ROCK2: variants seen among roughly 807,000 people sequenced by gnomAD.
The protein encoded by ROCK2 is Rho associated coiled-coil containing protein kinase 2.
ROCK2 carries 61 observed loss-of-function variants against 195.1 expected under a neutral mutation model. That is an observed-to-expected ratio of 0.31 (90% CI 0.25 to 0.39). ROCK2 has a LOEUF of 0.39. ROCK2 is among the 10% of genes least tolerant of loss of function. The pLI, the probability that ROCK2 is intolerant of heterozygous loss-of-function variation, is 1.00. For missense variants in ROCK2, 1,109 were observed against 1,637.4 expected, an observed-to-expected ratio of 0.68 and a Z score of 5.57; for synonymous variants, 504 against 545.5, an observed-to-expected ratio of 0.92 and a Z score of 1.06.
At chr2:11,246,388 A>T (rs1238183862) in intron 4 of ROCK2, among the ~76,000 whole-genome samples, 3 of 151,440 alleles carry the variant, frequency 2.0e-5, no homozygotes, top group East Asian at 3.9e-4. Flanking sequence ...CTGAACTTAA[A>T]TTTTTTTTTA....
intron 1 of ROCK2, among the ~76,000 whole-genome samples, chr2:11,318,757 A>G (rs892069635): frequency 2.0e-4 from 31 of 152,266 alleles, no homozygotes; most frequent in African/African-American, 7.0e-4. Flanking sequence ...TAAGTCTTTA[A>G]TCCATCTTGA....
intron 1 of ROCK2, among the ~76,000 whole-genome samples, chr2:11,300,391 C>A (rs1667667124): frequency 6.6e-6 from 1 of 152,040 alleles, no homozygotes; most frequent in South Asian, 2.1e-4. Context: ...AGCCTCCCAA[C>A]TAGCTGGGAT....
Position 11,211,744 on chromosome 2 carries a change from G to T in ROCK2, c.2140C>A (p.Arg714=). The change falls in exon 18 of 33, where the codon CGA becomes AGA. Residue 714 remains arginine (R), a synonymous_variant. Transcript: ENST00000315872. ...EEAEHKATKA[R]LADKNKIYES... is the part of the protein sequence containing the mutation. Reference sequence around the variant, plus strand: ...TAGATCTTATTTTTATCTGCTAGTCGTGCCTTTGTGGCCTTATGTTCAGCT... The same window carrying T: ...TAGATCTTATTTTTATCTGCTAGTCTTGCCTTTGTGGCCTTATGTTCAGCT... The T allele has an allele frequency of 6.2e-7, 1 of 1,613,402 alleles. No homozygotes were observed. The highest frequency in any genetic ancestry group is 8.5e-7 in the Non-Finnish European group (1 of 1,179,684).
chr2:11,302,655 T>C (rs1477052118), intron 1 of ROCK2, among the ~76,000 whole-genome samples: 2 of 152,168 alleles, frequency 1.3e-5, no homozygotes, highest in East Asian at 1.9e-4. Flanking sequence ...TGTGGTTAGC[T>C]TGAACTGAGA....
intron 1 of ROCK2, among the ~76,000 whole-genome samples, chr2:11,338,821 T>G: frequency 6.6e-6 from 1 of 151,556 alleles, no homozygotes; most frequent in Non-Finnish European, 1.5e-5. Flanking sequence ...TCAGAAACAA[T>G]GCTAAATTAA....
chr2:11,254,440 G>T (rs568741122), intron 3 of ROCK2, among the ~76,000 whole-genome samples: 3 of 152,234 alleles, frequency 2.0e-5, no homozygotes, highest in African/African-American at 4.8e-5. Flanking sequence ...GCAAGGAGAG[G>T]GAGATCCCTA....
chr2:11,287,356 T>C (rs1160796616), intron 2 of ROCK2, among the ~76,000 whole-genome samples: 1 of 152,204 alleles, frequency 6.6e-6, no homozygotes, highest in Non-Finnish European at 1.5e-5. Context: ...AGTCTTGGAA[T>C]TGTAAATATT....
At chr2:11,298,469 CAA>C (rs771356019) in intron 1 of ROCK2, among the ~76,000 whole-genome samples, 16 of 45,032 alleles carry the variant, frequency 3.6e-4, no homozygotes, top group African/African-American at 1.1e-3. Flanking sequence ...GACTCCATCT[CAA>C]AAAAAAAAAA....
At chr2:11,283,249 A>T (rs1190138465) in intron 3 of ROCK2, among the ~76,000 whole-genome samples, 1 of 132,114 alleles carries the variant, frequency 7.6e-6, no homozygotes, top group Non-Finnish European at 1.6e-5. Flanking sequence ...GCCTGGCGAC[A>T]GAGACTCCGT....
In ROCK2 at chr2:11,221,227, G is replaced by A; in HGVS notation, c.1230C>T (p.Phe410=). 11 of 1,580,094 alleles carry A rather than the reference G, an allele frequency of 7.0e-6. 1 individual carries two copies. In the South Asian group the frequency reaches 1.3e-4, roughly 19 times the overall value. The change falls in exon 9 of 33, where the codon TTC becomes TTT. Residue 410 remains phenylalanine, a synonymous_variant. Coordinates refer to ENST00000315872, the MANE Select transcript of ROCK2 (RefSeq NM_004850.5). ...PKAFVGNQLP[F]IGFTYYRENL... Reference sequence around the variant, plus strand: ...TTTCTCTATAGTAGGTAAATCCGATGAAAGGCAGCTGATTTCCAACAAAAG... The same window carrying A: ...TTTCTCTATAGTAGGTAAATCCGATAAAAGGCAGCTGATTTCCAACAAAAG...
intron 3 of ROCK2, among the ~76,000 whole-genome samples, chr2:11,255,121 G>A (rs1349521868): frequency 6.7e-6 from 1 of 149,700 alleles, no homozygotes; most frequent in Non-Finnish European, 1.5e-5. Context: ...GGAGGCTGAG[G>A]CAGGAGAATG....
At chr2:11,257,404 T>C (rs1666074998) in intron 3 of ROCK2, among the ~76,000 whole-genome samples, 1 of 151,582 alleles carries the variant, frequency 6.6e-6, no homozygotes, top group South Asian at 2.1e-4. Flanking sequence ...AAGATTACGT[T>C]GGAAGATGGC....
chr2:11,258,668 T>TTCATAC (rs1281088744), intron 3 of ROCK2, among the ~76,000 whole-genome samples: 4 of 151,268 alleles, frequency 2.6e-5, no homozygotes, highest in Admixed American at 1.3e-4. Flanking sequence ...AGAAAGACAC[T>TTCATAC]TCATACTACA....
intron 3 of ROCK2, among the ~76,000 whole-genome samples, chr2:11,267,576 T>C (rs891560983): frequency 3.3e-5 from 5 of 151,952 alleles, no homozygotes; most frequent in Non-Finnish European, 1.5e-5. Context: ...CAAAGCTTCA[T>C]TGCTTTCTGA....
intron 3 of ROCK2, among the ~76,000 whole-genome samples, chr2:11,281,229 A>C (rs1666992006): frequency 6.6e-6 from 1 of 151,684 alleles, no homozygotes; most frequent in African/African-American, 2.4e-5. Context: ...AAAAAAAAAA[A>C]AACCTCAGTA....
intron 32 of ROCK2, among the ~76,000 whole-genome samples, 172 bp from the exon 33 acceptor site, chr2:11,183,612 G>C (rs1382843779): frequency 6.6e-6 from 1 of 151,994 alleles, no homozygotes; most frequent in Non-Finnish European, 1.5e-5. Flanking sequence ...TTTTCCTATA[G>C]GTACAACATG....
chr2:11,293,383 G>C lies in ROCK2; in HGVS notation c.142-5647C>G, dbSNP rs545593454. ...TTCTAGGGCCCTCGTTTGTAAAAAA[G>C]AGTTCATAGCCTATAAAATCATTCT... On this transcript the variant is annotated intron_variant, in intron 1 of 32. Coordinates refer to ENST00000315872, the MANE Select transcript of ROCK2 (RefSeq NM_004850.5). Among the ~76,000 whole-genome samples the C allele has an allele frequency of 2.6e-5, 4 of 152,310 alleles. No homozygotes were observed. In the East Asian group the frequency reaches 7.7e-4, roughly 29 times the overall value.
chr2:11,200,181 A>C (rs1449238482), intron 23 of ROCK2, among the ~76,000 whole-genome samples: 5 of 152,210 alleles, frequency 3.3e-5, no homozygotes, highest in Non-Finnish European at 5.9e-5. Context: ...GACATTCTAC[A>C]TATACTCTAG....
chr2:11,329,700 C>A (rs116494460), intron 1 of ROCK2, among the ~76,000 whole-genome samples: 25 of 147,918 alleles, frequency 1.7e-4, no homozygotes, highest in South Asian at 2.1e-4. Context: ...CCCATTTTTA[C>A]AAAAAAAAAA....
Sources: allele counts gnomAD v4.1 joint callset (sites outside exome capture counted in the v4.1 genomes callset), GRCh38; gene constraint gnomAD v4.1.1; transcripts MANE v1.5; gene names NCBI Gene and HGNC (gene_info 2026-07-23, HGNC 2026-07-21).